The following SSU72 variants were observed in gnomAD, a reference collection of about 807,000 sequenced individuals.
SSU72 encodes the protein RNA polymerase II subunit A C-terminal domain phosphatase SSU72.
Under a neutral mutation model 22.7 loss-of-function variants are expected in SSU72, and 12 were observed. The observed-to-expected ratio is 0.53, with a 90% CI of 0.34 to 0.86. SSU72 has a LOEUF of 0.86. SSU72 is among the 40% of genes least tolerant of loss of function. The probability of loss-of-function intolerance (pLI) is 0.02; values close to 1 mark genes in which losing one functional copy is unlikely to be tolerated. For synonymous variants in SSU72, 116 were observed against 98.3 expected, an observed-to-expected ratio of 1.18 and a Z score of -1.06; for missense variants, 151 against 249.8, an observed-to-expected ratio of 0.60 and a Z score of 2.67.
chr1:1,571,784 T>C (rs1642734258), intron 1 of SSU72, among the ~76,000 whole-genome samples: 1 of 125,104 alleles, frequency 8.0e-6, no homozygotes, highest in Non-Finnish European at 1.5e-5. Flanking sequence ...ATTAACAAGA[T>C]AGCTAAATAA....
At chr1:1,565,420 A>G (rs1642647920) in intron 1 of SSU72, among the ~76,000 whole-genome samples, 2 of 152,216 alleles carry the variant, frequency 1.3e-5, no homozygotes, top group Admixed American at 6.5e-5. Flanking sequence ...ACATCTGAAC[A>G]TCATAGCTTG....
chr1:1,551,979 G>A (rs1003191211), intron 2 of SSU72, among the ~76,000 whole-genome samples: 1 of 152,176 alleles, frequency 6.6e-6, no homozygotes, highest in African/African-American at 2.4e-5. Context: ...TTCCAATTCA[G>A]GGGATCCCCA....
intron 4 of SSU72, among the ~76,000 whole-genome samples, chr1:1,543,146 G>A (rs1469843652): frequency 5.9e-5 from 9 of 152,254 alleles, no homozygotes; most frequent in Non-Finnish European, 8.8e-5. Context: ...CCGCAGCAGG[G>A]TGGCTACAGA....
intron 2 of SSU72, among the ~76,000 whole-genome samples, chr1:1,547,699 G>A (rs1472185400): frequency 6.6e-6 from 1 of 152,264 alleles, no homozygotes; most frequent in African/African-American, 2.4e-5. Context: ...GGCGGGTGAG[G>A]CGGGGCCTTC....
intron 2 of SSU72, among the ~76,000 whole-genome samples, chr1:1,552,782 A>G (rs1442169318): frequency 6.6e-6 from 1 of 152,174 alleles, no homozygotes; most frequent in Non-Finnish European, 1.5e-5. Flanking sequence ...GCACGTTGGA[A>G]GGCCGAGGCG....
At chr1:1,556,711 A>C (rs1454127948) in intron 2 of SSU72, among the ~76,000 whole-genome samples, 1 of 152,140 alleles carries the variant, frequency 6.6e-6, no homozygotes, top group Non-Finnish European at 1.5e-5. Context: ...GGCTCAGGCC[A>C]GCTCTGGGGG....
intron 2 of SSU72, chr1:1,546,329 T>G (rs900094183): frequency 3.9e-5 from 6 of 152,260 alleles, no homozygotes; most frequent in Non-Finnish European, 8.8e-5. Flanking sequence ...AGCTGCATCC[T>G]TGGGTCACTG....
At chr1:1,548,502 TGAG>T (rs1642419589) in intron 2 of SSU72, among the ~76,000 whole-genome samples, 1 of 145,834 alleles carries the variant, frequency 6.9e-6, no homozygotes, top group Non-Finnish European at 1.5e-5. Context: ...TGCACTGAGC[TGAG>T]ATCATGCCAC....
intron 2 of SSU72, among the ~76,000 whole-genome samples, chr1:1,551,791 G>A (rs893556615): frequency 5.3e-5 from 8 of 152,350 alleles, no homozygotes; most frequent in Admixed American, 1.3e-4. Context: ...ACATCGCCCC[G>A]AAGGCCTGAG....
At chr1:1,573,246 T>C (rs1642756520) in intron 1 of SSU72, among the ~76,000 whole-genome samples, 2 of 137,206 alleles carry the variant, frequency 1.5e-5, no homozygotes, top group Admixed American at 7.6e-5. Flanking sequence ...ATGATGAAAC[T>C]CCGTCTCTAC....
At position 1,574,574 on chromosome 1, in the gene SSU72, C is replaced by T. The variant is rs1387536547; in HGVS notation, c.-17G>A. The T allele has an allele frequency of 5.7e-6, 9 of 1,580,184 alleles. No homozygotes were observed. The South Asian group carries it at 6.9e-5, about 12-fold the overall frequency. On this transcript the variant is annotated 5_prime_UTR_variant, in exon 1 of 5. Coordinates refer to ENST00000291386, the MANE Select transcript of SSU72 (RefSeq NM_014188.3). ...CGACGGCATGGCGGCGGCCGCAAAT[C>T]CCGCGGCTCTCCCGCTTGGGTTCCC...
intron 1 of SSU72, among the ~76,000 whole-genome samples, chr1:1,571,782 G>C (rs116210771): frequency 0.019 from 2,489 of 132,734 alleles, 61 homozygotes; most frequent in African/African-American, 0.077. Context: ...TTATTAACAA[G>C]ATAGCTAAAT....
intron 2 of SSU72, among the ~76,000 whole-genome samples, chr1:1,551,852 C>T (rs115414524): frequency 0.022 from 3,391 of 152,316 alleles, 129 homozygotes; most frequent in African/African-American, 0.076. Context: ...GGCAGGGCCA[C>T]GCCGGGCCAC....
At position 1,554,434 on chromosome 1, in the gene SSU72, T is replaced by C. The variant is rs978622245; in HGVS notation, c.225-9432A>G. Among the ~76,000 whole-genome samples, 4 of 152,320 alleles carry C rather than the reference T, an allele frequency of 2.6e-5. No individual in the cohort carries two copies. The highest frequency in any genetic ancestry group is 9.6e-5 in the African/African-American group (4 of 41,570). The stretch of plus-strand genomic sequence containing the variant: ...CCCTCGCTGACCACCCACACCCATT[T>C]GATGTGGTTGCTCTCAGGATAAACC... On this transcript the variant is annotated intron_variant, in intron 2 of 4. Coordinates refer to ENST00000291386, the MANE Select transcript of SSU72 (RefSeq NM_014188.3). The surrounding 1 kb of genome is among the most constrained non-coding windows in gnomAD (Gnocchi z 4.1).
At chr1:1,553,472 G>A (rs1158286998) in intron 2 of SSU72, among the ~76,000 whole-genome samples, 1 of 151,930 alleles carries the variant, frequency 6.6e-6, no homozygotes, top group East Asian at 1.9e-4. Context: ...TCTAGTAAAA[G>A]TACAAAAAAC....
intron 2 of SSU72, among the ~76,000 whole-genome samples, chr1:1,546,657 T>C (rs1326592902): frequency 6.6e-6 from 1 of 150,380 alleles, no homozygotes; most frequent in South Asian, 2.1e-4. Context: ...GCCAAGATGG[T>C]GAAACCCCGT....
intron 2 of SSU72, chr1:1,546,044 ACCATCCACAGTGGCCATGCCT>A (rs1285436302): frequency 2.0e-5 from 3 of 152,216 alleles, no homozygotes; most frequent in Non-Finnish European, 4.4e-5. Context: ...GCATCCTCCC[ACCATCCACAGTGGCCATGCCT>A]GGCCTCAGGG....
At chr1:1,560,789 C>A (rs1194005704) in intron 2 of SSU72, 1 of 152,180 alleles carries the variant, frequency 6.6e-6, no homozygotes, top group East Asian at 1.9e-4. Flanking sequence ...GAGTTCGAGA[C>A]AAACCTGGAT....
At chr1:1,553,100 C>A (rs1215416102) in intron 2 of SSU72, among the ~76,000 whole-genome samples, 1 of 151,668 alleles carries the variant, frequency 6.6e-6, no homozygotes, top group Non-Finnish European at 1.5e-5. Context: ...CAACACAAAA[C>A]CAGACTAAAC....
Sources: allele counts gnomAD v4.1 joint callset (sites outside exome capture counted in the v4.1 genomes callset), GRCh38; gene constraint gnomAD v4.1.1; non-coding constraint Gnocchi (gnomAD v3.1); transcripts MANE v1.5; gene names NCBI Gene and HGNC (gene_info 2026-07-23, HGNC 2026-07-21).